The following DNAH10 variants were observed in gnomAD, a reference collection of about 807,000 sequenced individuals.
DNAH10 encodes axonemal beta dynein heavy chain 10.
Under a neutral mutation model 506.6 loss-of-function variants are expected in DNAH10, and 348 were observed. The observed-to-expected ratio is 0.69, with a 90% CI of 0.63 to 0.75. The LOEUF is 0.75. Ranked by LOEUF, DNAH10 falls within the 30% of genes least tolerant of loss-of-function variation. DNAH10 has a pLI of 0.00. For missense variants in DNAH10, 5,179 were observed against 5,787.1 expected, an observed-to-expected ratio of 0.89 and a Z score of 3.41; for synonymous variants, 2,059 against 2,198.6, an observed-to-expected ratio of 0.94 and a Z score of 1.78.
At chr12:123,810,420 C>T (rs1199015607) in intron 19 of DNAH10, among the ~76,000 whole-genome samples, 3 of 152,172 alleles carry the variant, frequency 2.0e-5, no homozygotes, top group Admixed American at 6.5e-5. Flanking sequence ...CGGTGGCTCA[C>T]GCCTGTAATC....
intron 11 of DNAH10, among the ~76,000 whole-genome samples, chr12:123,791,842 A>G (rs1362530095): frequency 6.6e-6 from 1 of 152,190 alleles, no homozygotes; most frequent in Non-Finnish European, 1.5e-5. Context: ...AATAAATTGA[A>G]CTTTTCATCA....
intron 45 of DNAH10, among the ~76,000 whole-genome samples, chr12:123,871,934 G>C (rs115354182): frequency 0.022 from 3,301 of 152,304 alleles, 111 homozygotes; most frequent in African/African-American, 0.075. Context: ...GAGTGCTTAA[G>C]ATAGATGGCA....
In DNAH10 at chr12:123,818,875, A is replaced by G. The variant is rs531866025; in HGVS notation, c.3781-75A>G. 4 of 1,004,766 alleles carry G rather than the reference A, an allele frequency of 4.0e-6. No individual in the cohort carries two copies. The Middle Eastern group carries it at 6.8e-4, about 171-fold the overall frequency. 62.2% of individuals were successfully genotyped at this position (1,004,766 alleles called of 1,614,324 possible). A position where few individuals can be genotyped will look rare whatever the true frequency, so the allele number is the denominator to read the frequency against. The stretch of plus-strand genomic sequence containing the variant: ...CCACAAGCAGAAGTCCCTGGGAGGT[A>G]ACTTTGACCATCAATTTCAATTCCA... On this transcript the variant is annotated intron_variant, in intron 21 of 78. Transcript: ENST00000673944.
rs545427195 is a variant in DNAH10 at position 123,782,496 on chromosome 12, A to G, written c.842-611A>G. Reference sequence around the variant, plus strand: ...ACAAACATAGCTCACTGCAGTCTCAACCTTCTGGGAGCTCAGGCAATCCTC... The same window carrying G: ...ACAAACATAGCTCACTGCAGTCTCAGCCTTCTGGGAGCTCAGGCAATCCTC... On this transcript the variant is annotated intron_variant, in intron 6 of 78. Coordinates refer to ENST00000673944, the MANE Select transcript of DNAH10 (RefSeq NM_001372106.1). Among the ~76,000 whole-genome samples, 8 of 147,342 alleles carry G rather than the reference A, an allele frequency of 5.4e-5. No individual in the cohort carries two copies. The South Asian group carries it at 1.3e-3, about 24-fold the overall frequency.
Position 123,916,382 on chromosome 12 carries a change from A to G in DNAH10, c.10723-75A>G. 2.0e-6 allele frequency: 3 copies of G among 1,533,612 alleles called. No homozygotes were observed. Among genetic ancestry groups the G allele is most frequent in the Non-Finnish European group, 2.6e-6 (3 of 1,144,242 alleles). ...CTGGCCCATCCACTTCCCACTTCCA[A>G]GCCATTCTCCCCTTATATTTGGCAG... On this transcript the variant is annotated intron_variant, in intron 62 of 78. Transcript: ENST00000673944. This position sits in a 1 kb window ranked among gnomAD's most constrained non-coding sequence, Gnocchi z 4.6.
chr12:123,799,276 A>G lies in DNAH10; in HGVS notation c.2194A>G (p.Thr732Ala). The G allele has an allele frequency of 6.2e-7, 1 of 1,613,576 alleles. No individual in the cohort carries two copies. Among genetic ancestry groups the G allele is most frequent in the South Asian group, 1.1e-5 (1 of 91,014 alleles). Residue 732 changes from threonine to alanine, a missense_variant, in exon 14 of 79, where the codon ACA becomes GCA. Around this residue, in one of 3 missense-constraint regions of DNAH10, gnomAD observed 4,844 missense variants for 5,430.5 expected, o/e 0.89. Coordinates refer to ENST00000673944, the MANE Select transcript of DNAH10 (RefSeq NM_001372106.1). ...ACAAAAATATTTGGAAGTAGGTAGG[A>G]CAATGAAGGAGTATGAAGACAGAAA... Reference protein sequence around the residue: ...VKQKYLEVGRTMKEYEDRKYE... With the variant: ...VKQKYLEVGRAMKEYEDRKYE...
At position 123,853,314 on chromosome 12, in the gene DNAH10, G is replaced by T. The variant is rs773694204; in HGVS notation, c.6400G>T (p.Ala2134Ser). 3 of 1,612,284 alleles carry T rather than the reference G, an allele frequency of 1.9e-6. No homozygotes were observed. The highest frequency in any genetic ancestry group is 4.5e-5 in the East Asian group (2 of 44,862). Residue 2134 changes from alanine (A) to serine (S), a missense_variant, in exon 36 of 79, where the codon GCT becomes TCT. Ala to Ser is a moderately conservative substitution (Grantham distance 99). Around this residue, in one of 3 missense-constraint regions of DNAH10, gnomAD observed 4,844 missense variants for 5,430.5 expected, o/e 0.89. Coordinates refer to ENST00000673944, the MANE Select transcript of DNAH10 (RefSeq NM_001372106.1). The surrounding 1 kb of genome is among the most constrained non-coding windows in gnomAD (Gnocchi z 4.7). ...LRALKSVLVM[A>S]GELKRGSSDL... ...AGCCCTGAAATCGGTGCTGGTCATG[G>T]CTGGTGAGCTGAAGAGAGGCTCCTC...
Position 123,930,502 on chromosome 12 carries a change from C to T in DNAH10, c.12713C>T (p.Pro4238Leu). The T allele has an allele frequency of 1.2e-6, 2 of 1,610,520 alleles. No individual in the cohort carries two copies. The highest frequency in any genetic ancestry group is 1.7e-6 in the Non-Finnish European group (2 of 1,178,892). Residue 4238 changes from proline (P) to leucine (L), a missense_variant, in exon 73 of 79, where the codon CCA becomes CTA. Physicochemically the swap from Pro to Leu is moderately conservative, Grantham distance 98 (BLOSUM62 -3). Around this residue, in one of 3 missense-constraint regions of DNAH10, gnomAD observed 4,844 missense variants for 5,430.5 expected, o/e 0.89. Transcript: ENST00000673944. ...LGDFIFDTFQ[P>L]FHFFRNKEVD... ...GACTTCATTTTTGATACTTTCCAGC[C>T]ATTCCACTTCTTCCGGAACAAGGAA...
chr12:123,848,724 T>A lies in DNAH10; in HGVS notation c.5950-6T>A, dbSNP rs767057110. 2 of 1,613,800 alleles carry A rather than the reference T, an allele frequency of 1.2e-6. No individual in the cohort carries two copies. Among genetic ancestry groups the A allele is most frequent in the South Asian group, 2.2e-5 (2 of 91,066 alleles). Reference sequence around the variant, plus strand: ...TGCCCTTGTCCTGACATGTCTTTCTTCCTAGGCCGTGGGGAAGATTTTCTC... The same window carrying A: ...TGCCCTTGTCCTGACATGTCTTTCTACCTAGGCCGTGGGGAAGATTTTCTC... On this transcript the variant is annotated splice_region_variant and splice_polypyrimidine_tract_variant and intron_variant, in intron 33 of 78. Coordinates refer to ENST00000673944, the MANE Select transcript of DNAH10 (RefSeq NM_001372106.1).
intron 26 of DNAH10, among the ~76,000 whole-genome samples, chr12:123,831,943 T>C (rs537814938): frequency 6.7e-6 from 1 of 150,224 alleles, no homozygotes; most frequent in Non-Finnish European, 1.5e-5. Context: ...CAAAATATGG[T>C]CTAATAATCC....
intron 55 of DNAH10, among the ~76,000 whole-genome samples, chr12:123,898,257 C>T (rs1237756448): frequency 6.6e-6 from 1 of 152,208 alleles, no homozygotes; most frequent in Non-Finnish European, 1.5e-5. Context: ...GTTTCCCAGG[C>T]TGGAGTGCAG....
intron 65 of DNAH10, 70 bp from the exon 66 acceptor site, chr12:123,923,693 G>T: frequency 9.7e-7 from 1 of 1,032,974 alleles, no homozygotes; most frequent in Non-Finnish European, 1.4e-6. Context: ...TAAGCACAGT[G>T]TGCATAAGAA....
chr12:123,925,233 C>G lies in DNAH10; in HGVS notation c.11921+29C>G. ...AGTGTGTCGTTTTGTTGATTTGCCA[C>G]TTTCCGTGGGGTGGAATCTCTAGCG... On this transcript the variant is annotated intron_variant, in intron 68 of 78. Coordinates refer to ENST00000673944, the MANE Select transcript of DNAH10 (RefSeq NM_001372106.1). The surrounding 1 kb of genome is among the most constrained non-coding windows in gnomAD (Gnocchi z 4.0). 6.2e-7 allele frequency: 1 copy of G among 1,613,092 alleles called. No homozygotes were observed. Among genetic ancestry groups the G allele is most frequent in the Non-Finnish European group, 8.5e-7 (1 of 1,179,092 alleles).
Position 123,914,955 on chromosome 12 carries a change from G to T in DNAH10, c.10678G>T (p.Ala3560Ser), listed in dbSNP as rs1954401576. 6.2e-7 allele frequency: 1 copy of T among 1,611,480 alleles called. No individual in the cohort carries two copies. The highest frequency in any genetic ancestry group is 1.1e-5 in the South Asian group (1 of 90,524). ...TCTGTGTATCGACCCCCAGCAGCAG[G>T]CCCTCAACTGGATCAAGAGAAAAGA... ...FPLCIDPQQQ[A>S]LNWIKRKEEK... Residue 3560 changes from alanine to serine, a missense_variant, in exon 62 of 79, where the codon GCC becomes TCC. Around this residue, in one of 3 missense-constraint regions of DNAH10, gnomAD observed 4,844 missense variants for 5,430.5 expected, o/e 0.89. Transcript: ENST00000673944.
rs1205322987 is a variant in DNAH10, at chr12:123,910,582, C to G, written c.10044C>G (p.Val3348=). ...LNTTTEEMEA[V]SKAGLGMLKF... ...CCACAACTGAAGAAATGGAAGCTGT[C>G]AGCAAAGCCGGGCTGGGGATGCTGA... Residue 3348 remains valine (V), a synonymous_variant, in exon 59 of 79, where the codon GTC becomes GTG. Coordinates refer to ENST00000673944, the MANE Select transcript of DNAH10 (RefSeq NM_001372106.1). 1.9e-6 allele frequency: 3 copies of G among 1,613,748 alleles called. No individual in the cohort carries two copies. The Admixed American group carries it at 5.0e-5, about 27-fold the overall frequency.
chr12:123,877,109 A>G (rs1482124272), intron 47 of DNAH10, among the ~76,000 whole-genome samples: 1 of 152,200 alleles, frequency 6.6e-6, no homozygotes, highest in South Asian at 2.1e-4. Flanking sequence ...ACCCACACAC[A>G]TTAGCACTTA....
rs1391228778 is a variant in DNAH10, at chr12:123,783,117, G to A, written c.852G>A (p.Lys284=). ...CTTTTATTTTCCTAGGTGAGATCAAGTTAGAAATGCCAATCATCAGTGTGG... is the reference window on the plus strand; with the variant it reads ...CTTTTATTTTCCTAGGTGAGATCAAATTAGAAATGCCAATCATCAGTGTGG... ...RTMQQLEGEI[K]LEMPIISVEG... is the part of the protein sequence containing the mutation. The change falls in exon 7 of 79, where the codon AAG becomes AAA. Residue 284 remains lysine (K), a synonymous_variant. Transcript: ENST00000673944. The A allele has an allele frequency of 1.2e-6, 2 of 1,614,054 alleles. No individual in the cohort carries two copies. The highest frequency in any genetic ancestry group is 1.3e-5 in the African/African-American group (1 of 74,936).
rs1594190934 is a variant in DNAH10 at position 123,850,792 on chromosome 12, T to C, written c.6103-96T>C. Reference sequence around the variant, plus strand: ...TGTTGTCAGCCTCATACCATGAAAATGAATCGCCACGCAGCTCGCCGCAGG... The same window carrying C: ...TGTTGTCAGCCTCATACCATGAAAACGAATCGCCACGCAGCTCGCCGCAGG... On this transcript the variant is annotated intron_variant, in intron 34 of 78. Coordinates refer to ENST00000673944, the MANE Select transcript of DNAH10 (RefSeq NM_001372106.1). This position sits in a 1 kb window ranked among gnomAD's most constrained non-coding sequence, Gnocchi z 5.5. 1.6e-6 allele frequency: 2 copies of C among 1,273,928 alleles called. No homozygotes were observed. The highest frequency in any genetic ancestry group is 2.5e-5 in the East Asian group (1 of 40,314). 78.9% of individuals were successfully genotyped at this position (1,273,928 alleles called of 1,614,324 possible).
At chr12:123,781,387 C>A in intron 6 of DNAH10, 88 bp downstream of exon 6, 2 of 1,265,744 alleles carry the variant, frequency 1.6e-6, no homozygotes, top group Non-Finnish European at 2.2e-6. Flanking sequence ...GCCTGGCTAA[C>A]TTTTGGAACA....
Sources: allele counts gnomAD v4.1 joint callset (sites outside exome capture counted in the v4.1 genomes callset), GRCh38; gene constraint gnomAD v4.1.1; regional missense constraint gnomAD v4.1.1; non-coding constraint Gnocchi (gnomAD v3.1); transcripts MANE v1.5; gene names NCBI Gene and HGNC (gene_info 2026-07-23, HGNC 2026-07-21).